The following SKAP2 variants were observed in gnomAD, a reference collection of about 807,000 sequenced individuals.
The protein encoded by SKAP2 is src kinase-associated phosphoprotein 2.
Under a neutral mutation model 54.9 loss-of-function variants are expected in SKAP2, and 28 were observed. That is an observed-to-expected ratio of 0.51 (90% CI 0.38 to 0.70). SKAP2 has a LOEUF of 0.70. Among genes scored for constraint, SKAP2 ranks in the 30% least tolerant of loss-of-function variants. SKAP2 has a pLI of 0.00. For missense variants in SKAP2, 356 were observed against 424.1 expected (o/e 0.84, Z 1.41); for synonymous variants, 137 against 134.3 (o/e 1.02, Z -0.14).
At chr7:26,675,776 G>A (rs923311411) in intron 11 of SKAP2, among the ~76,000 whole-genome samples, 1 of 152,190 alleles carries the variant, frequency 6.6e-6, no homozygotes, top group Non-Finnish European at 1.5e-5. Flanking sequence ...CTGAGTGGGC[G>A]ATCTGAAGGA....
At chr7:26,737,782 T>C (rs1787974272) in intron 6 of SKAP2, among the ~76,000 whole-genome samples, 1 of 152,250 alleles carries the variant, frequency 6.6e-6, no homozygotes, top group Non-Finnish European at 1.5e-5. Flanking sequence ...TTAAATTTCA[T>C]TATTTGGTGG....
intron 4 of SKAP2, among the ~76,000 whole-genome samples, chr7:26,746,083 T>C (rs981061656): frequency 2.6e-5 from 4 of 152,182 alleles, no homozygotes; most frequent in Admixed American, 2.0e-4. Context: ...TAATTTTGTA[T>C]AAAGGTGGAG....
At chr7:26,864,283 C>T in intron 1 of SKAP2, 80 bp downstream of exon 1, 3 of 1,564,106 alleles carry the variant, frequency 1.9e-6, no homozygotes, top group South Asian at 2.2e-5. Flanking sequence ...GATAAGGGCT[C>T]TGAATGCTTC....
chr7:26,707,304 G>T (rs1209665861), intron 9 of SKAP2, among the ~76,000 whole-genome samples: 3 of 151,796 alleles, frequency 2.0e-5, no homozygotes, highest in Non-Finnish European at 2.9e-5. Context: ...ACGCTGCAGT[G>T]AGCCAAGATC....
intron 9 of SKAP2, among the ~76,000 whole-genome samples, chr7:26,697,444 T>C (rs970052634): frequency 6.6e-6 from 1 of 152,198 alleles, no homozygotes; most frequent in African/African-American, 2.4e-5. Flanking sequence ...AGTTATGAAA[T>C]GGAGCTCCTT....
intron 4 of SKAP2, among the ~76,000 whole-genome samples, chr7:26,784,536 A>C (rs1783498975): frequency 6.6e-6 from 1 of 152,136 alleles, no homozygotes; most frequent in Admixed American, 6.5e-5. Context: ...CTTCAACCAG[A>C]ATTTGTCTCT....
At chr7:26,748,363 C>T (rs962534243) in intron 4 of SKAP2, among the ~76,000 whole-genome samples, 12 of 151,992 alleles carry the variant, frequency 7.9e-5, no homozygotes, top group East Asian at 5.8e-4. Flanking sequence ...CAATTATTTC[C>T]GGGGAAGATA....
chr7:26,718,638 C>T (rs890339062), intron 9 of SKAP2, among the ~76,000 whole-genome samples: 56 of 151,838 alleles, frequency 3.7e-4, no homozygotes, highest in Non-Finnish European at 6.8e-4. Flanking sequence ...CCCGAGTAGC[C>T]GGGACTACAG....
chr7:26,739,064 T>G (rs80317399), intron 5 of SKAP2, among the ~76,000 whole-genome samples, 186 bp from the exon 6 acceptor site: 7,365 of 152,218 alleles, frequency 0.048, 604 homozygotes, highest in African/African-American at 0.17. Context: ...AAAGTAGCTA[T>G]GGGGCTGCCA....
At chr7:26,817,322 A>G (rs999663890) in intron 4 of SKAP2, among the ~76,000 whole-genome samples, 9 of 152,126 alleles carry the variant, frequency 5.9e-5, no homozygotes, top group African/African-American at 2.2e-4. Flanking sequence ...TGAAAATCAG[A>G]ACAGAAAGAC....
chr7:26,818,256 C>G (rs1483523615), intron 4 of SKAP2, among the ~76,000 whole-genome samples: 5 of 152,122 alleles, frequency 3.3e-5, no homozygotes, highest in Non-Finnish European at 5.9e-5. Flanking sequence ...ACCAACGGAA[C>G]AGAAAAGAGG....
chr7:26,771,432 G>A (rs776080014), intron 4 of SKAP2, among the ~76,000 whole-genome samples: 1 of 152,202 alleles, frequency 6.6e-6, no homozygotes, highest in Non-Finnish European at 1.5e-5. Flanking sequence ...CGTAGGGGAT[G>A]TAACTGATAT....
chr7:26,757,831 G>C (rs1261043585), intron 4 of SKAP2, among the ~76,000 whole-genome samples: 1 of 152,068 alleles, frequency 6.6e-6, no homozygotes, highest in African/African-American at 2.4e-5. Context: ...GTGCAATCTT[G>C]GCTCACTGCA....
At chr7:26,761,042 T>C (rs772376230) in intron 4 of SKAP2, among the ~76,000 whole-genome samples, 1 of 152,146 alleles carries the variant, frequency 6.6e-6, no homozygotes, top group African/African-American at 2.4e-5. Flanking sequence ...CAGAAGATAG[T>C]CTGTAGTAAT....
intron 4 of SKAP2, among the ~76,000 whole-genome samples, chr7:26,752,543 C>A (rs1193791377): frequency 6.6e-6 from 1 of 152,130 alleles, no homozygotes; most frequent in South Asian, 2.1e-4. Context: ...AGACACCCTG[C>A]ACAATTTTCA....
At chr7:26,685,196 G>A (rs1786604529) in intron 10 of SKAP2, among the ~76,000 whole-genome samples, 1 of 152,042 alleles carries the variant, frequency 6.6e-6, no homozygotes, top group South Asian at 2.1e-4. Context: ...TTGAAGATGT[G>A]TCTGCCACAC....
intron 6 of SKAP2, 83 bp downstream of exon 6, chr7:26,738,712 T>A (rs1782364046): frequency 1.4e-6 from 1 of 737,260 alleles, no homozygotes; most frequent in African/African-American, 1.7e-5. Flanking sequence ...TGTCTTCAGT[T>A]TACTCTGTAC....
chr7:26,822,882 CAA>C (rs772957314), intron 4 of SKAP2, among the ~76,000 whole-genome samples: 2 of 124,040 alleles, frequency 1.6e-5, no homozygotes. Context: ...GACTCCGTCT[CAA>C]AAAAAAAAAA....
At chr7:26,772,451 A>T (rs1359963672) in intron 4 of SKAP2, among the ~76,000 whole-genome samples, 2 of 152,186 alleles carry the variant, frequency 1.3e-5, no homozygotes, top group African/African-American at 4.8e-5. Context: ...CTCAATGTTT[A>T]GCTCCCACTT....
Sources: allele counts gnomAD v4.1 joint callset (sites outside exome capture counted in the v4.1 genomes callset), GRCh38; gene constraint gnomAD v4.1.1; transcripts MANE v1.5; gene names NCBI Gene and HGNC (gene_info 2026-07-23, HGNC 2026-07-21).